DENND4C: variants seen among roughly 807,000 people sequenced by gnomAD.
DENND4C encodes the protein DENN domain containing 4C, also known as DENN domain-containing protein 4C.
A neutral mutation model predicts 203.0 loss-of-function variants in DENND4C; 108 were observed. The ratio of observed to expected loss-of-function variants is 0.53; its 90% CI spans 0.46 to 0.62. The LOEUF is 0.62. Ranked by LOEUF, DENND4C falls within the 20% of genes least tolerant of loss-of-function variation. DENND4C has a pLI of 0.00. For synonymous variants in DENND4C, 871 were observed against 792.4 expected, an observed-to-expected ratio of 1.10 and a Z score of -1.67; for missense variants, 2,481 against 2,301.2, an observed-to-expected ratio of 1.08 and a Z score of -1.60.
chr9:19,308,265 C>T (rs1002224279), intron 10 of DENND4C, among the ~76,000 whole-genome samples: 1 of 152,204 alleles, frequency 6.6e-6, no homozygotes, highest in South Asian at 2.1e-4. Flanking sequence ...ATAGCTAATA[C>T]CAGATTACTC....
intron 10 of DENND4C, among the ~76,000 whole-genome samples, chr9:19,312,078 G>A (rs1840841511): frequency 6.6e-6 from 1 of 152,026 alleles, no homozygotes; most frequent in African/African-American, 2.4e-5. Flanking sequence ...TCTGTATTGG[G>A]AAAAAAATCA....
At chr9:19,236,646 T>C (rs1822039471) in intron 1 of DENND4C, among the ~76,000 whole-genome samples, 1 of 152,154 alleles carries the variant, frequency 6.6e-6, no homozygotes, top group Non-Finnish European at 1.5e-5. Flanking sequence ...CAGAACATCT[T>C]GAAGGCACCT....
chr9:19,357,737 C>T, intron 27 of DENND4C: 1 of 409,222 alleles, frequency 2.4e-6, no homozygotes, highest in East Asian at 3.6e-5. Flanking sequence ...ACCTGTATAT[C>T]TACAATATGT....
chr9:19,353,042 A>T (rs1157124662), intron 26 of DENND4C, among the ~76,000 whole-genome samples: 1 of 152,150 alleles, frequency 6.6e-6, no homozygotes, highest in African/African-American at 2.4e-5. Context: ...AGGCTGACAT[A>T]GGAGGATCGC....
At chr9:19,334,302 G>A (rs1363199833) in intron 17 of DENND4C, among the ~76,000 whole-genome samples, 2 of 151,434 alleles carry the variant, frequency 1.3e-5, no homozygotes, top group African/African-American at 4.9e-5. Flanking sequence ...CTGCCTGCCT[G>A]GGCCTCCCAA....
At chr9:19,260,787 C>T (rs977615170) in intron 1 of DENND4C, among the ~76,000 whole-genome samples, 9 of 152,156 alleles carry the variant, frequency 5.9e-5, no homozygotes, top group Non-Finnish European at 8.8e-5. Flanking sequence ...TTGATTGTTT[C>T]CTTTGCTGTG....
chr9:19,267,410 A>G (rs758549053), intron 1 of DENND4C, among the ~76,000 whole-genome samples: 2 of 152,348 alleles, frequency 1.3e-5, no homozygotes, highest in African/African-American at 2.4e-5. Context: ...TTTATCTGAT[A>G]CAAGTATACC....
intron 2 of DENND4C, among the ~76,000 whole-genome samples, chr9:19,286,185 C>G (rs556826381): frequency 2.6e-5 from 4 of 152,042 alleles, no homozygotes; most frequent in African/African-American, 7.2e-5. Context: ...TTCATTAATT[C>G]ATTTTTCAGT....
chr9:19,236,192 TAAG>T (rs1209162172), intron 1 of DENND4C, among the ~76,000 whole-genome samples: 1 of 152,032 alleles, frequency 6.6e-6, no homozygotes, highest in African/African-American at 2.4e-5. Flanking sequence ...GGAATAATAA[TAAG>T]AATAATATAA....
chr9:19,327,934 A>T, intron 15 of DENND4C, 96 bp from the exon 16 acceptor site: 1 of 1,145,360 alleles, frequency 8.7e-7, no homozygotes, highest in Non-Finnish European at 1.2e-6. Context: ...AATGTTGGAT[A>T]CTATTTGAAG....
At chr9:19,254,275 T>G (rs1264747485) in intron 1 of DENND4C, among the ~76,000 whole-genome samples, 2 of 152,236 alleles carry the variant, frequency 1.3e-5, no homozygotes, top group African/African-American at 4.8e-5. Context: ...ATTGAAGAGA[T>G]ATCTGTACCC....
rs1819357493 is a variant in DENND4C at position 19,332,122 on chromosome 9, C to T, written c.2398C>T (p.Leu800Phe). Residue 800 changes from leucine (L) to phenylalanine (F), a missense_variant, in exon 17 of 33, where the codon CTT (leucine) becomes TTT (phenylalanine). Transcript: ENST00000434457. ...VRVSHPKVRA[L>F]QQAYDVLIKM... ...AGTTTCTCATCCTAAAGTCAGAGCA[C>T]TTCAGCAGGCATATGATGTACTTAT... 6.8e-6 allele frequency: 11 copies of T among 1,613,894 alleles called. No individual in the cohort carries two copies. Among genetic ancestry groups the T allele is most frequent in the Non-Finnish European group, 2.5e-6 (3 of 1,179,976 alleles).
At chr9:19,241,496 C>T (rs1435963815) in intron 1 of DENND4C, among the ~76,000 whole-genome samples, 3 of 151,194 alleles carry the variant, frequency 2.0e-5, no homozygotes, top group African/African-American at 7.3e-5. Flanking sequence ...CTGCATCTGG[C>T]CTTTTTTTTT....
intron 20 of DENND4C, among the ~76,000 whole-genome samples, chr9:19,339,612 T>C (rs745893813): frequency 1.3e-5 from 2 of 152,202 alleles, no homozygotes; most frequent in Non-Finnish European, 2.9e-5. Context: ...CTGGTTTCTC[T>C]GTGGATAGTT....
intron 1 of DENND4C, among the ~76,000 whole-genome samples, chr9:19,263,424 T>G (rs1829822145): frequency 6.6e-6 from 1 of 152,140 alleles, no homozygotes; most frequent in African/African-American, 2.4e-5. Flanking sequence ...TGGCATGATC[T>G]CGGCTCACTG....
rs1315417883 is a variant in DENND4C at position 19,342,635 on chromosome 9, G to T, written c.3007G>T (p.Val1003Leu). The change falls in exon 22 of 33, where the codon GTG becomes TTG. Residue 1003 changes from valine to leucine, a missense_variant and splice_region_variant. Coordinates refer to ENST00000434457, the MANE Select transcript of DENND4C (RefSeq NM_001330640.2). ...ITKTKMQTEE[V>L]CDASAIVAKH... is the part of the protein sequence containing the mutation. ...AACATCCAAATATTTTTTTCCAGAG[G>T]TGTGTGATGCCTCTGCTATTGTGGC... 2.5e-6 allele frequency: 4 copies of T among 1,592,098 alleles called. No individual in the cohort carries two copies. The highest frequency in any genetic ancestry group is 2.6e-6 in the Non-Finnish European group (3 of 1,172,906).
At chr9:19,284,041 A>T (rs1389959498) in intron 2 of DENND4C, among the ~76,000 whole-genome samples, 1 of 152,212 alleles carries the variant, frequency 6.6e-6, no homozygotes, top group Admixed American at 6.5e-5. Context: ...TTGATAAACT[A>T]TTATAATACA....
At chr9:19,292,448 A>C (rs1836540437) in intron 5 of DENND4C, 1 of 152,164 alleles carries the variant, frequency 6.6e-6, no homozygotes, top group African/African-American at 2.4e-5. Context: ...AGTAATAATG[A>C]CATAAACTGA....
intron 1 of DENND4C, among the ~76,000 whole-genome samples, chr9:19,243,523 C>T (rs566544384): frequency 6.6e-6 from 1 of 152,260 alleles, no homozygotes; most frequent in East Asian, 1.9e-4. Context: ...CTCCCCATTC[C>T]CAGTCTCCTA....
Sources: allele counts gnomAD v4.1 joint callset (sites outside exome capture counted in the v4.1 genomes callset), GRCh38; gene constraint gnomAD v4.1.1; transcripts MANE v1.5; gene names NCBI Gene and HGNC (gene_info 2026-07-23, HGNC 2026-07-21).